Variants in EPS8 observed in about 807,000 individuals in gnomAD.
EPS8 encodes epidermal growth factor receptor kinase substrate 8.
EPS8 carries 42 observed loss-of-function variants against 103.8 expected under a neutral mutation model. That is an observed-to-expected ratio of 0.40 (90% CI 0.32 to 0.52). The LOEUF is 0.52. Among genes scored for constraint, EPS8 ranks in the 20% least tolerant of loss-of-function variants. The pLI, the probability that EPS8 is intolerant of heterozygous loss-of-function variation, is 0.40. For synonymous variants in EPS8, 344 were observed against 344.6 expected, an observed-to-expected ratio of 1.00 and a Z score of 0.02; for missense variants, 969 against 1,005.1, an observed-to-expected ratio of 0.96 and a Z score of 0.49.
intron 17 of EPS8, among the ~76,000 whole-genome samples, chr12:15,635,534 A>C (rs1945118970): frequency 1.3e-5 from 2 of 152,234 alleles, no homozygotes; most frequent in Non-Finnish European, 2.9e-5. Context: ...AGCAGTAGCT[A>C]AATGTCTGTA....
intron 15 of EPS8, among the ~76,000 whole-genome samples, chr12:15,643,781 A>G (rs1217084477): frequency 6.6e-6 from 1 of 151,146 alleles, no homozygotes; most frequent in Non-Finnish European, 1.5e-5. Flanking sequence ...AAAGTTTCTT[A>G]ACAGCTATGG....
intron 16 of EPS8, 34 bp from the exon 17 acceptor site, chr12:15,640,880 CAT>C: frequency 1.3e-6 from 2 of 1,597,902 alleles, no homozygotes; most frequent in Non-Finnish European, 1.7e-6. Flanking sequence ...GTATAATTTC[CAT>C]ATAAAAGCCA....
rs573726932 is a variant in EPS8, at chr12:15,710,557, G to GT, written c.-21-27586dup. Among the ~76,000 whole-genome samples, 1,332 of 152,160 alleles carry GT rather than the reference G, an allele frequency of 8.8e-3. 9 individuals are homozygous for GT. The highest frequency in any genetic ancestry group is 0.014 in the Non-Finnish European group (974 of 67,984). ...ATATTGAGCATTAAAACTACCACAA[G>GT]TTTTTTCTAATCAAATTAACAAACC... On this transcript the variant is annotated intron_variant, in intron 1 of 20. Transcript: ENST00000281172.
At chr12:15,649,760 A>G (rs915921204) in intron 14 of EPS8, among the ~76,000 whole-genome samples, 7 of 152,234 alleles carry the variant, frequency 4.6e-5, no homozygotes, top group Admixed American at 2.6e-4. Flanking sequence ...CAATTTTTAA[A>G]ATTTAATTTA....
intron 1 of EPS8, 69 bp from the exon 2 acceptor site, chr12:15,683,041 T>TC: frequency 1.3e-6 from 1 of 756,918 alleles, no homozygotes. Flanking sequence ...CAAAAGTTAT[T>TC]CATTCAACAA....
chr12:15,647,230 C>A lies in EPS8; in HGVS notation c.1465G>T (p.Asp489Tyr), dbSNP rs368192924. ...HSSVSEYHPADGYAFSSNIYT... is the reference protein window; with the variant it reads ...HSSVSEYHPAYGYAFSSNIYT... ...ATGTTGCTACTGAACGCATAGCCAT[C>A]GGCTGGATGATACTCTGATACACTG... Residue 489 changes from aspartate (D) to tyrosine (Y), a missense_variant, in exon 15 of 21, where the codon GAT becomes TAT. By Grantham distance (160) the Asp-to-Tyr change is radical. Coordinates refer to ENST00000281172, the MANE Select transcript of EPS8 (RefSeq NM_004447.6). The A allele has an allele frequency of 1.2e-6, 2 of 1,613,330 alleles. No individual in the cohort carries two copies. Among genetic ancestry groups the A allele is most frequent in the Admixed American group, 1.7e-5 (1 of 59,934 alleles).
chr12:15,640,824 C>G lies in EPS8; in HGVS notation c.1700G>C (p.Trp567Ser). The G allele has an allele frequency of 2.5e-6, 4 of 1,613,824 alleles. No homozygotes were observed. The highest frequency in any genetic ancestry group is 2.5e-6 in the Non-Finnish European group (3 of 1,179,884). Reference protein sequence around the residue: ...ILEILDDRKQWWKVRNASGDS... With the variant: ...ILEILDDRKQSWKVRNASGDS... ...TCCACTTGCATTTCGAACTTTCCAC[C>G]ATTGCTTCCGATCATCAAGTATCTG... The change falls in exon 17 of 21, where the codon TGG (tryptophan) becomes TCG (serine). Residue 567 changes from tryptophan to serine, a missense_variant. Coordinates refer to ENST00000281172, the MANE Select transcript of EPS8 (RefSeq NM_004447.6).
At chr12:15,647,602 A>T (rs1945342162) in intron 14 of EPS8, among the ~76,000 whole-genome samples, 1 of 152,242 alleles carries the variant, frequency 6.6e-6, no homozygotes, top group East Asian at 1.9e-4. Context: ...TACACAGAAC[A>T]TTATAGTATT....
At chr12:15,622,691 A>G (rs1038498994) in intron 20 of EPS8, among the ~76,000 whole-genome samples, 1 of 152,012 alleles carries the variant, frequency 6.6e-6, no homozygotes, top group Non-Finnish European at 1.5e-5. Context: ...ATCTCTACCT[A>G]ATGTATCTTT....
intron 1 of EPS8, among the ~76,000 whole-genome samples, chr12:15,754,114 G>A (rs1946960775): frequency 6.6e-6 from 1 of 152,070 alleles, no homozygotes; most frequent in Admixed American, 6.6e-5. Flanking sequence ...CACTCTTTGG[G>A]TTCACAGTTT....
intron 15 of EPS8, among the ~76,000 whole-genome samples, chr12:15,642,372 T>C (rs923874033): frequency 6.6e-6 from 1 of 152,100 alleles, no homozygotes; most frequent in African/African-American, 2.4e-5. Context: ...AAAAGAGATA[T>C]GCATTAAGTA....
rs1946162651 is a variant in EPS8, at chr12:15,690,941, A to G, written c.-21-7969T>C. 1.3e-5 allele frequency among the ~76,000 whole-genome samples: 2 copies of G among 151,646 alleles called. No individual in the cohort carries two copies. Among genetic ancestry groups the G allele is most frequent in the Non-Finnish European group, 2.9e-5 (2 of 67,934 alleles). ...AATAAAGAAGAGTCAAGACCAAACA[A>G]AAAAGTCAGTTCCACTAACTGTCTA... On this transcript the variant is annotated intron_variant, in intron 1 of 20. Coordinates refer to ENST00000281172, the MANE Select transcript of EPS8 (RefSeq NM_004447.6). This position sits in a 1 kb window ranked among gnomAD's most constrained non-coding sequence, Gnocchi z 4.7.
At position 15,731,554 on chromosome 12, in the gene EPS8, T is replaced by A. The variant is rs896587301; in HGVS notation, c.-21-48582A>T. 1.3e-5 allele frequency among the ~76,000 whole-genome samples: 2 copies of A among 152,212 alleles called. No homozygotes were observed. Among genetic ancestry groups the A allele is most frequent in the African/African-American group, 4.8e-5 (2 of 41,460 alleles). On this transcript the variant is annotated intron_variant, in intron 1 of 20. Coordinates refer to ENST00000281172, the MANE Select transcript of EPS8 (RefSeq NM_004447.6). The surrounding 1 kb of genome is among the most constrained non-coding windows in gnomAD (Gnocchi z 5.1). ...TTCAGGTGATCCACCCACCTTGGCATCCCAAAGTGCTGGGATTATAGGCAT... is the reference window on the plus strand; with the variant it reads ...TTCAGGTGATCCACCCACCTTGGCAACCCAAAGTGCTGGGATTATAGGCAT...
chr12:15,640,588 T>C, intron 17 of EPS8, 115 bp downstream of exon 17: 2 of 887,800 alleles, frequency 2.3e-6, no homozygotes, highest in Non-Finnish European at 3.3e-6. Flanking sequence ...CTAGAAAAAA[T>C]ATATAACCAA....
At chr12:15,627,937 T>G (rs1017494313) in intron 18 of EPS8, among the ~76,000 whole-genome samples, 4 of 152,188 alleles carry the variant, frequency 2.6e-5, no homozygotes, top group African/African-American at 7.2e-5. Flanking sequence ...GTTCTATGAT[T>G]TTTCCCCCCT....
At position 15,721,687 on chromosome 12, in the gene EPS8, T is replaced by C. The variant is rs1446428258; in HGVS notation, c.-21-38715A>G. Among the ~76,000 whole-genome samples the C allele has an allele frequency of 2.0e-5, 3 of 152,082 alleles. No homozygotes were observed. Among genetic ancestry groups the C allele is most frequent in the Non-Finnish European group, 4.4e-5 (3 of 68,014 alleles). On this transcript the variant is annotated intron_variant, in intron 1 of 20. Coordinates refer to ENST00000281172, the MANE Select transcript of EPS8 (RefSeq NM_004447.6). This position sits in a 1 kb window ranked among gnomAD's most constrained non-coding sequence, Gnocchi z 4.4. The stretch of plus-strand genomic sequence containing the variant: ...TGTCTTGCGCATCAAGTTAAAAGGA[T>C]TTTCCTGAAAACTTAAAAGTAATAA...
At chr12:15,750,973 A>G (rs983238812) in intron 1 of EPS8, among the ~76,000 whole-genome samples, 1 of 152,176 alleles carries the variant, frequency 6.6e-6, no homozygotes, top group Non-Finnish European at 1.5e-5. Context: ...TTCTTAGTAC[A>G]TTAGACAGTA....
chr12:15,723,122 C>A (rs118054342), intron 1 of EPS8, among the ~76,000 whole-genome samples: 6 of 152,078 alleles, frequency 3.9e-5, no homozygotes, highest in Non-Finnish European at 8.8e-5. Flanking sequence ...CCAGCCTGGG[C>A]AACATGGTGA....
intron 15 of EPS8, 106 bp downstream of exon 15, chr12:15,647,021 G>T: frequency 9.3e-7 from 1 of 1,073,964 alleles, no homozygotes; most frequent in Non-Finnish European, 1.3e-6. Context: ...ATTAACAGAT[G>T]GAAAGTTTAA....
Sources: allele counts gnomAD v4.1 joint callset (sites outside exome capture counted in the v4.1 genomes callset), GRCh38; gene constraint gnomAD v4.1.1; non-coding constraint Gnocchi (gnomAD v3.1); transcripts MANE v1.5; gene names NCBI Gene and HGNC (gene_info 2026-07-23, HGNC 2026-07-21).